Variants in LSR observed in about 807,000 individuals in gnomAD.
LSR encodes the protein lipolysis-stimulated lipoprotein receptor.
LSR carries 44 observed loss-of-function variants against 61.8 expected under a neutral mutation model. The observed-to-expected ratio is 0.71, with a 90% CI of 0.56 to 0.91. LSR has a LOEUF of 0.91. Among genes scored for constraint, LSR ranks in the 40% least tolerant of loss-of-function variants. The pLI, the probability that LSR is intolerant of heterozygous loss-of-function variation, is 0.00. For missense variants in LSR, 911 were observed against 830.5 expected (o/e 1.10, Z -1.19); for synonymous variants, 397 against 350.6 (o/e 1.13, Z -1.48).
intron 1 of LSR, 121 bp downstream of exon 1, chr19:35,249,252 C>G (rs928262839): frequency 5.5e-6 from 7 of 1,264,752 alleles, no homozygotes; most frequent in Middle Eastern, 2.7e-4. Flanking sequence ...ACCTTCCGAT[C>G]CCCTGGGTCT....
intron 5 of LSR, 71 bp from the exon 6 acceptor site, chr19:35,266,288 G>A (rs974649043): frequency 4.6e-5 from 62 of 1,357,604 alleles, no homozygotes; most frequent in Non-Finnish European, 5.4e-5. Flanking sequence ...AGGTCCCTCC[G>A]GAACCCAATG....
At chr19:35,250,741 C>T (rs1022050784) in intron 2 of LSR, 82 bp downstream of exon 2, 4 of 1,069,458 alleles carry the variant, frequency 3.7e-6, no homozygotes, top group Non-Finnish European at 5.3e-6. Context: ...CTGGAGTCCC[C>T]ATCTGAAAGC....
intron 2 of LSR, 133 bp from the exon 3 acceptor site, chr19:35,258,812 C>G (rs2065887437): frequency 4.3e-5 from 46 of 1,075,264 alleles, no homozygotes; most frequent in Non-Finnish European, 6.3e-5. Flanking sequence ...TTTGCATATG[C>G]ATTTGATCAT....
intron 5 of LSR, among the ~76,000 whole-genome samples, chr19:35,265,645 A>G (rs1174710564): frequency 6.6e-6 from 1 of 152,170 alleles, no homozygotes; most frequent in Non-Finnish European, 1.5e-5. Flanking sequence ...GGGAGGAAGG[A>G]AGGGAGGAGG....
Position 35,266,678 on chromosome 19 carries a change from G to C in LSR, c.953-1G>C, listed in dbSNP as rs771969460. Reference sequence around the variant, plus strand: ...GGCCACTGACAGCCACTCTCCCCCAGCTGGTGGCCAAGGCTCCTATGTACC... The same window carrying C: ...GGCCACTGACAGCCACTCTCCCCCACCTGGTGGCCAAGGCTCCTATGTACC... On this transcript the variant is annotated splice_acceptor_variant, in intron 6 of 9. Coordinates refer to ENST00000605618, the MANE Select transcript of LSR (RefSeq NM_205834.4). LOFTEE classifies it high-confidence loss of function. 2 of 1,607,732 alleles carry C rather than the reference G, an allele frequency of 1.2e-6. No individual in the cohort carries two copies. The highest frequency in any genetic ancestry group is 4.5e-5 in the East Asian group (2 of 44,652).
Position 35,250,626 on chromosome 19 carries a change from T to C in LSR, c.421T>C (p.Tyr141His). 6.3e-7 allele frequency: 1 copy of C among 1,585,830 alleles called. No individual in the cohort carries two copies. Among genetic ancestry groups the C allele is most frequent in the East Asian group, 2.3e-5 (1 of 44,266 alleles). ...KQGNAVTLGD[Y>H]YQGRRITITG... Reference sequence around the variant, plus strand: ...GGGCAACGCTGTGACCCTGGGAGATTACTACCAGGGCCGGAGGATTACCAT... The same window carrying C: ...GGGCAACGCTGTGACCCTGGGAGATCACTACCAGGGCCGGAGGATTACCAT... Residue 141 changes from tyrosine to histidine, a missense_variant, in exon 2 of 10, where the codon TAC (tyrosine) becomes CAC (histidine). Tyr to His is a moderately conservative substitution (Grantham distance 83). Coordinates refer to ENST00000605618, the MANE Select transcript of LSR (RefSeq NM_205834.4).
intron 2 of LSR, among the ~76,000 whole-genome samples, chr19:35,256,809 T>C (rs1001781309): frequency 6.6e-6 from 1 of 152,078 alleles, no homozygotes; most frequent in Non-Finnish European, 1.5e-5. Context: ...TAAGGGACTT[T>C]AGCATGAGGA....
chr19:35,250,793 T>TTG, intron 2 of LSR, 134 bp downstream of exon 2: 1 of 586,614 alleles, frequency 1.7e-6, no homozygotes, highest in South Asian at 3.6e-5. Context: ...AAGGGAGCAA[T>TTG]TCTTTTTTTT....
intron 2 of LSR, among the ~76,000 whole-genome samples, chr19:35,251,108 A>G (rs904914813): frequency 6.6e-6 from 1 of 152,088 alleles, no homozygotes; most frequent in Non-Finnish European, 1.5e-5. Flanking sequence ...CTATTCTACT[A>G]TTCTTCCTTC....
intron 5 of LSR, among the ~76,000 whole-genome samples, chr19:35,265,452 T>A (rs2065984632): frequency 6.6e-6 from 1 of 152,206 alleles, no homozygotes. Context: ...ATGATAAAGT[T>A]GCAGGCTGCC....
chr19:35,250,004 G>C (rs571610994), intron 1 of LSR, among the ~76,000 whole-genome samples: 7 of 152,184 alleles, frequency 4.6e-5, no homozygotes, highest in Non-Finnish European at 7.3e-5. Context: ...GAGGCCCCTT[G>C]TTGTGGGTGA....
intron 1 of LSR, among the ~76,000 whole-genome samples, chr19:35,249,810 G>A (rs1053104705): frequency 6.6e-6 from 1 of 152,146 alleles, no homozygotes; most frequent in Non-Finnish European, 1.5e-5. Context: ...GAGGCTGATG[G>A]AGATATTGTG....
rs532323279 is a variant in LSR at position 35,261,052 on chromosome 19, A to G, written c.575-873A>G. 2.6e-5 allele frequency among the ~76,000 whole-genome samples: 4 copies of G among 152,358 alleles called. No individual in the cohort carries two copies. In the South Asian group the frequency reaches 6.2e-4, roughly 24 times the overall value. ...TGCCTCTGTCCTGTTGCGAGGGCCT[A>G]TAGTGCCAAGTGCATGAGCTCTGGG... On this transcript the variant is annotated intron_variant, in intron 3 of 9. Coordinates refer to ENST00000605618, the MANE Select transcript of LSR (RefSeq NM_205834.4).
chr19:35,259,435 T>A (rs1337889685), intron 3 of LSR: 3 of 180,014 alleles, frequency 1.7e-5, no homozygotes, highest in East Asian at 3.4e-4. Context: ...AGGCCAGGAG[T>A]TCGAGACTAG....
intron 2 of LSR, among the ~76,000 whole-genome samples, chr19:35,257,745 G>A (rs1212533027): frequency 6.6e-6 from 1 of 152,196 alleles, no homozygotes. Context: ...TTGCCTGGTA[G>A]GTGCCCTGGT....
intron 2 of LSR, among the ~76,000 whole-genome samples, chr19:35,251,169 G>C (rs757097730): frequency 6.6e-6 from 1 of 152,020 alleles, no homozygotes; most frequent in Non-Finnish European, 1.5e-5. Flanking sequence ...TTGAGTACCT[G>C]TCATATACCA....
In LSR at chr19:35,250,628, C is replaced by G. The variant is rs1265778758; in HGVS notation, c.423C>G (p.Tyr141Ter). Residue 141 changes from tyrosine to a stop codon, truncating the protein, a stop_gained, in exon 2 of 10, where the codon TAC (tyrosine) becomes TAG (stop). Transcript: ENST00000605618. LOFTEE classifies it high-confidence loss of function. Reference sequence around the variant, plus strand: ...GCAACGCTGTGACCCTGGGAGATTACTACCAGGGCCGGAGGATTACCATCA... The same window carrying G: ...GCAACGCTGTGACCCTGGGAGATTAGTACCAGGGCCGGAGGATTACCATCA... The part of the protein sequence containing the change: ...KQGNAVTLGD[Y>*]YQGRRITITG... 1.3e-6 allele frequency: 2 copies of G among 1,581,964 alleles called. No individual in the cohort carries two copies. The highest frequency in any genetic ancestry group is 8.6e-7 in the Non-Finnish European group (1 of 1,158,132).
rs553021017 is a variant in LSR at position 35,251,981 on chromosome 19, C to T, written c.454+1322C>T. On this transcript the variant is annotated intron_variant, in intron 2 of 9. Transcript: ENST00000605618. Reference sequence around the variant, plus strand: ...TCCCAAGTAGCTGGGACTACAGGCGCCCGCCACTACGCCCGGCTAATTTTT... The same window carrying T: ...TCCCAAGTAGCTGGGACTACAGGCGTCCGCCACTACGCCCGGCTAATTTTT... Among the ~76,000 whole-genome samples, 32 of 149,784 alleles carry T rather than the reference C, an allele frequency of 2.1e-4. 1 individual carries two copies. In the South Asian group the frequency reaches 6.3e-3, roughly 30 times the overall value.
intron 3 of LSR, among the ~76,000 whole-genome samples, chr19:35,261,185 G>A (rs2065923737): frequency 6.6e-6 from 1 of 152,200 alleles, no homozygotes; most frequent in South Asian, 2.1e-4. Flanking sequence ...CCGGCTCTGA[G>A]ATGCGTGAAT....
Sources: allele counts gnomAD v4.1 joint callset (sites outside exome capture counted in the v4.1 genomes callset), GRCh38; gene constraint gnomAD v4.1.1; transcripts MANE v1.5; gene names NCBI Gene and HGNC (gene_info 2026-07-23, HGNC 2026-07-21).